Variants in CCDC85A observed in about 807,000 individuals in gnomAD.
CCDC85A encodes coiled-coil domain-containing protein 85A.
A neutral mutation model predicts 50.2 loss-of-function variants in CCDC85A; 38 were observed. The observed-to-expected ratio is 0.76, with a 90% CI of 0.58 to 0.99. The LOEUF is 0.99. Among genes scored for constraint, CCDC85A ranks in the 50% least tolerant of loss-of-function variants. CCDC85A has a pLI of 0.00. For missense variants in CCDC85A, 820 were observed against 742.0 expected (o/e 1.11, Z -1.22); for synonymous variants, 366 against 301.4 (o/e 1.21, Z -2.22).
At chr2:56,203,439 C>A (rs1676827549) in intron 2 of CCDC85A, among the ~76,000 whole-genome samples, 2 of 151,660 alleles carry the variant, frequency 1.3e-5, no homozygotes. Context: ...TATTCTAAAA[C>A]TATATGCCAT....
At chr2:56,383,909 C>G (rs1365280469) in intron 5 of CCDC85A, 1 of 257,590 alleles carries the variant, frequency 3.9e-6, no homozygotes, top group African/African-American at 2.3e-5. Context: ...CCATGCCTCA[C>G]TTCTCCCAGT....
At chr2:56,338,567 T>C (rs937912001) in intron 2 of CCDC85A, among the ~76,000 whole-genome samples, 6 of 151,898 alleles carry the variant, frequency 4.0e-5, no homozygotes, top group Admixed American at 6.5e-5. Context: ...TGGATGTGAC[T>C]TTTTTTAAGA....
At chr2:56,284,155 C>A (rs1475605420) in intron 2 of CCDC85A, among the ~76,000 whole-genome samples, 1 of 151,790 alleles carries the variant, frequency 6.6e-6, no homozygotes, top group Non-Finnish European at 1.5e-5. Context: ...TTTTTAAATA[C>A]TTGGGCATTG....
chr2:56,209,634 C>T (rs1273996909), intron 2 of CCDC85A, among the ~76,000 whole-genome samples: 2 of 151,862 alleles, frequency 1.3e-5, no homozygotes, highest in African/African-American at 2.4e-5. Context: ...TTCTGTTTTA[C>T]AGAGTTAAAA....
intron 2 of CCDC85A, among the ~76,000 whole-genome samples, chr2:56,206,667 A>G (rs1186307063): frequency 6.6e-6 from 1 of 152,160 alleles, no homozygotes; most frequent in Non-Finnish European, 1.5e-5. Flanking sequence ...ATCATCTCTT[A>G]TTAGGCCTCA....
At chr2:56,373,161 G>A (rs1057141951) in intron 4 of CCDC85A, among the ~76,000 whole-genome samples, 3 of 152,064 alleles carry the variant, frequency 2.0e-5, no homozygotes, top group Admixed American at 6.5e-5. Flanking sequence ...AACATCTGTT[G>A]GAAGTAAACT....
At chr2:56,320,072 G>T (rs1439635951) in intron 2 of CCDC85A, among the ~76,000 whole-genome samples, 2 of 152,112 alleles carry the variant, frequency 1.3e-5, no homozygotes, top group Non-Finnish European at 2.9e-5. Flanking sequence ...CAGAAATAAA[G>T]ATGTTATTTG....
intron 2 of CCDC85A, among the ~76,000 whole-genome samples, chr2:56,195,843 T>C (rs1676499686): frequency 6.6e-6 from 1 of 152,140 alleles, no homozygotes; most frequent in East Asian, 1.9e-4. Flanking sequence ...ACAAAAAGCA[T>C]GTGAAAACAA....
intron 2 of CCDC85A, among the ~76,000 whole-genome samples, chr2:56,330,697 C>T (rs547846250): frequency 8.5e-5 from 13 of 152,232 alleles, no homozygotes; most frequent in South Asian, 2.1e-4. Flanking sequence ...AGGTGAATAA[C>T]GGCACATATG....
intron 2 of CCDC85A, among the ~76,000 whole-genome samples, chr2:56,325,088 A>G (rs1673399144): frequency 6.6e-6 from 1 of 152,152 alleles, no homozygotes; most frequent in Non-Finnish European, 1.5e-5. Flanking sequence ...GAGGGTGAAT[A>G]AAAATTATTG....
At chr2:56,202,195 A>G (rs371082148) in intron 2 of CCDC85A, among the ~76,000 whole-genome samples, 5 of 152,246 alleles carry the variant, frequency 3.3e-5, no homozygotes, top group Non-Finnish European at 7.3e-5. Context: ...TGGCTTAGAA[A>G]AGTATCAGAG....
chr2:56,218,317 AT>A (rs1193254278), intron 2 of CCDC85A, among the ~76,000 whole-genome samples: 6 of 151,844 alleles, frequency 4.0e-5, no homozygotes, highest in African/African-American at 1.2e-4. Context: ...TAGTTCTCTA[AT>A]TTTTTTAAAT....
At chr2:56,241,466 C>T (rs1669256471) in intron 2 of CCDC85A, among the ~76,000 whole-genome samples, 1 of 152,054 alleles carries the variant, frequency 6.6e-6, no homozygotes, top group Non-Finnish European at 1.5e-5. Context: ...CCAATTCCCC[C>T]TCCCCACCAC....
At chr2:56,253,346 G>A (rs1282061537) in intron 2 of CCDC85A, among the ~76,000 whole-genome samples, 1 of 152,200 alleles carries the variant, frequency 6.6e-6, no homozygotes, top group African/African-American at 2.4e-5. Context: ...GAGTAGGACA[G>A]GAGCTAGGGT....
chr2:56,296,923 G>A (rs1007773392), intron 2 of CCDC85A, among the ~76,000 whole-genome samples: 5 of 152,004 alleles, frequency 3.3e-5, no homozygotes, highest in Non-Finnish European at 7.4e-5. Context: ...TAGAAAAGCA[G>A]TAAAAATGAA....
intron 2 of CCDC85A, among the ~76,000 whole-genome samples, chr2:56,219,124 C>T (rs983524470): frequency 2.7e-5 from 4 of 149,952 alleles, no homozygotes; most frequent in Non-Finnish European, 5.9e-5. Context: ...CACTGACATG[C>T]ATCCATGCAT....
chr2:56,252,722 G>T (rs888711314), intron 2 of CCDC85A, among the ~76,000 whole-genome samples: 1 of 152,092 alleles, frequency 6.6e-6, no homozygotes, highest in African/African-American at 2.4e-5. Flanking sequence ...AGGCCCCAGT[G>T]TGTGATGTTC....
chr2:56,363,503 C>T (rs1197196303), intron 3 of CCDC85A, among the ~76,000 whole-genome samples: 5 of 152,150 alleles, frequency 3.3e-5, no homozygotes, highest in Non-Finnish European at 7.4e-5. Flanking sequence ...ATACAAGAAG[C>T]TGACTCTTCT....
intron 2 of CCDC85A, among the ~76,000 whole-genome samples, chr2:56,299,446 T>C (rs1241867960): frequency 6.6e-6 from 1 of 152,180 alleles, no homozygotes; most frequent in African/African-American, 2.4e-5. Context: ...GAATTAAAAT[T>C]CATAATCTCT....
Sources: gnomAD v4.1 joint callset for allele counts (sites outside exome capture counted in the v4.1 genomes callset) on GRCh38, gnomAD v4.1.1 for gene constraint, MANE v1.5 for transcripts, NCBI Gene and HGNC (gene_info 2026-07-23, HGNC 2026-07-21) for gene names.